Variants in CADPS2 observed in about 807,000 individuals in gnomAD.
CADPS2 encodes the protein calcium-dependent secretion activator 2.
CADPS2 carries 93 observed loss-of-function variants against 172.5 expected under a neutral mutation model. The observed-to-expected ratio is 0.54, with a 90% confidence interval of 0.46 to 0.64. CADPS2 has a LOEUF of 0.64. Ranked by LOEUF, CADPS2 falls within the 30% of genes least tolerant of loss-of-function variation. The probability of loss-of-function intolerance (pLI) is 0.00; values close to 1 mark genes in which losing one functional copy is unlikely to be tolerated. For missense variants in CADPS2, 1,420 were observed against 1,565.9 expected (o/e 0.91, Z 1.57); for synonymous variants, 546 against 555.2 (o/e 0.98, Z 0.23).
intron 12 of CADPS2, among the ~76,000 whole-genome samples, chr7:122,480,566 AT>A (rs1310538573): frequency 6.6e-6 from 1 of 152,054 alleles, no homozygotes; most frequent in Non-Finnish European, 1.5e-5. Flanking sequence ...ATAACTTAGC[AT>A]TTTTTCCACT....
intron 1 of CADPS2, among the ~76,000 whole-genome samples, chr7:122,755,727 G>A (rs2093130708): frequency 6.7e-6 from 1 of 150,346 alleles, no homozygotes; most frequent in Non-Finnish European, 1.5e-5. Flanking sequence ...ATTTAGAGAG[G>A]CTAAAAAAAA....
intron 3 of CADPS2, among the ~76,000 whole-genome samples, chr7:122,644,137 A>G (rs1236932905): frequency 2.0e-5 from 3 of 152,172 alleles, no homozygotes; most frequent in Non-Finnish European, 4.4e-5. Context: ...GGAAAAGAAT[A>G]TAAGACTATG....
chr7:122,497,131 C>T (rs2058798014), intron 9 of CADPS2, among the ~76,000 whole-genome samples: 1 of 151,866 alleles, frequency 6.6e-6, no homozygotes, highest in African/African-American at 2.4e-5. Flanking sequence ...TGTACAGTCA[C>T]AAAACTATAC....
chr7:122,720,897 T>C (rs1412996999), intron 2 of CADPS2, among the ~76,000 whole-genome samples: 1 of 151,930 alleles, frequency 6.6e-6, no homozygotes, highest in Admixed American at 6.6e-5. Context: ...AATGGCCAAA[T>C]ATTGGCAGTT....
intron 10 of CADPS2, among the ~76,000 whole-genome samples, chr7:122,491,033 T>C (rs1463975301): frequency 2.0e-5 from 3 of 152,202 alleles, no homozygotes; most frequent in African/African-American, 7.2e-5. Context: ...CAAAGAAGTT[T>C]CTGAAAACAT....
chr7:122,737,273 G>T (rs2137817520), intron 1 of CADPS2, among the ~76,000 whole-genome samples: 1 of 152,284 alleles, frequency 6.6e-6, no homozygotes, highest in East Asian at 1.9e-4. Flanking sequence ...CTTCCAGGCT[G>T]GAGTGCAGTG....
intron 9 of CADPS2, among the ~76,000 whole-genome samples, chr7:122,495,882 T>C (rs1288901581): frequency 1.3e-5 from 2 of 152,156 alleles, no homozygotes; most frequent in East Asian, 3.9e-4. Flanking sequence ...ATTATTTGAG[T>C]TTACAATTCT....
chr7:122,439,700 T>C (rs928974516), intron 16 of CADPS2, among the ~76,000 whole-genome samples: 4 of 152,202 alleles, frequency 2.6e-5, no homozygotes, highest in Admixed American at 6.6e-5. Flanking sequence ...CTGACAAATA[T>C]TTAGCACTTT....
chr7:122,362,086 CAAAAACAAAAAACCA>C (rs1209288228), intron 25 of CADPS2, among the ~76,000 whole-genome samples: 2 of 151,868 alleles, frequency 1.3e-5, no homozygotes, highest in South Asian at 2.1e-4. Context: ...AAAACAAAAA[CAAAAACAAAAAACCA>C]AAAAACAAAC....
chr7:122,782,384 T>C (rs895997309), intron 1 of CADPS2, among the ~76,000 whole-genome samples: 4 of 152,220 alleles, frequency 2.6e-5, no homozygotes, highest in Non-Finnish European at 4.4e-5. Flanking sequence ...AGCAAATCTT[T>C]ATTCTAAATG....
intron 3 of CADPS2, among the ~76,000 whole-genome samples, chr7:122,636,778 GA>G (rs2077106617): frequency 6.6e-6 from 1 of 152,030 alleles, no homozygotes; most frequent in African/African-American, 2.4e-5. Context: ...GCCTTTTTAA[GA>G]TTTTTTTGTT....
chr7:122,483,280 G>A (rs565680691), intron 11 of CADPS2, among the ~76,000 whole-genome samples: 2 of 152,292 alleles, frequency 1.3e-5, no homozygotes, highest in East Asian at 3.9e-4. Context: ...ATTATTTATA[G>A]AGGAAAAAAC....
intron 6 of CADPS2, among the ~76,000 whole-genome samples, chr7:122,613,879 T>C (rs2133837880): frequency 6.6e-6 from 1 of 152,198 alleles, no homozygotes; most frequent in South Asian, 2.1e-4. Context: ...TAAGATGTTT[T>C]GCCCTTTTCT....
chr7:122,680,645 T>C (rs539766537), intron 2 of CADPS2, among the ~76,000 whole-genome samples: 127 of 152,278 alleles, frequency 8.3e-4, no homozygotes, highest in Non-Finnish European at 4.7e-4. Context: ...GTCTGAGAGG[T>C]GGAGGTTGCA....
At chr7:122,628,378 C>A (rs1056578640) in intron 4 of CADPS2, among the ~76,000 whole-genome samples, 3 of 151,604 alleles carry the variant, frequency 2.0e-5, no homozygotes, top group Admixed American at 6.6e-5. Flanking sequence ...AGGATGTATG[C>A]GTAAACATTC....
chr7:122,785,105 C>A (rs1490585287), intron 1 of CADPS2, among the ~76,000 whole-genome samples: 1 of 152,128 alleles, frequency 6.6e-6, no homozygotes, highest in Non-Finnish European at 1.5e-5. Flanking sequence ...CAGCAGCTAC[C>A]CTTTTTCCCT....
intron 2 of CADPS2, among the ~76,000 whole-genome samples, chr7:122,713,553 T>G (rs2089111432): frequency 6.6e-6 from 1 of 152,074 alleles, no homozygotes; most frequent in Non-Finnish European, 1.5e-5. Context: ...TTACTAAAGA[T>G]GATGCCATGA....
At chr7:122,418,503 C>T (rs1371879455) in intron 17 of CADPS2, among the ~76,000 whole-genome samples, 1 of 152,120 alleles carries the variant, frequency 6.6e-6, no homozygotes, top group Non-Finnish European at 1.5e-5. Context: ...TTAGCAGGGC[C>T]TCAGAATAAA....
chr7:122,806,571 T>G lies in CADPS2; in HGVS notation c.340-69503A>C, dbSNP rs539604099. Among the ~76,000 whole-genome samples the G allele has an allele frequency of 2.0e-4, 30 of 152,348 alleles. 1 individual carries two copies. In the South Asian group the frequency reaches 5.4e-3, roughly 27 times the overall value. ...TGACAATCAGAGTCCTGCCATCTAT[T>G]AACAACAACCCGAATGATTTTATCT... is the stretch of plus-strand genomic sequence containing the variant. On this transcript the variant is annotated intron_variant, in intron 1 of 29. Transcript: ENST00000449022.
Sources: gnomAD v4.1 joint callset for allele counts (sites outside exome capture counted in the v4.1 genomes callset) on GRCh38, gnomAD v4.1.1 for gene constraint, MANE v1.5 for transcripts, NCBI Gene and HGNC (gene_info 2026-07-23, HGNC 2026-07-21) for gene names.